Variants in TFDP1 observed in about 807,000 individuals in gnomAD.
TFDP1 encodes transcription factor Dp-1.
TFDP1 carries 6 observed loss-of-function variants against 48.0 expected under a neutral mutation model. The observed-to-expected ratio is 0.13, with a 90% CI of 0.07 to 0.25. The LOEUF is 0.25. Among genes scored for constraint, TFDP1 ranks in the 10% least tolerant of loss-of-function variants. TFDP1 has a pLI of 1.00. For synonymous variants in TFDP1, 201 were observed against 211.6 expected (o/e 0.95, Z 0.44); for missense variants, 335 against 543.0 (o/e 0.62, Z 3.81).
At chr13:113,610,879 G>A (rs552754576) in intron 2 of TFDP1, 117 bp from the exon 3 acceptor site, 3 of 918,174 alleles carry the variant, frequency 3.3e-6, no homozygotes, top group Non-Finnish European at 5.2e-6. Context: ...CTTAACTGTG[G>A]TCCTTCTGCC....
rs913123302 is a variant in TFDP1, at chr13:113,607,761, G to A, written c.13-3235G>A. Among the ~76,000 whole-genome samples the A allele has an allele frequency of 2.6e-5, 4 of 152,178 alleles. No individual in the cohort carries two copies. Among genetic ancestry groups the A allele is most frequent in the South Asian group, 4.1e-4 (2 of 4,832 alleles). On this transcript the variant is annotated intron_variant, in intron 2 of 11. Transcript: ENST00000375370. The surrounding 1 kb of genome is among the most constrained non-coding windows in gnomAD (Gnocchi z 5.2). ...AGGAGGGGCTGTGCCAGTGGGTGGC[G>A]GTGACGGGGGCCAGTGGTTTCCTGG...
At chr13:113,629,942 C>T (rs2049289226) in intron 4 of TFDP1, among the ~76,000 whole-genome samples, 1 of 152,192 alleles carries the variant, frequency 6.6e-6, no homozygotes, top group Non-Finnish European at 1.5e-5. Flanking sequence ...ATTCTCCAGC[C>T]CCCTGTACCT....
intron 2 of TFDP1, among the ~76,000 whole-genome samples, chr13:113,603,938 C>T (rs150482286): frequency 1.2e-3 from 190 of 152,154 alleles, no homozygotes; most frequent in African/African-American, 4.3e-3. Context: ...TGGTAGCTTA[C>T]ACCTGCTTGA....
chr13:113,623,896 C>T lies in TFDP1; in HGVS notation c.186+610C>T, dbSNP rs909697305. 6.6e-5 allele frequency among the ~76,000 whole-genome samples: 10 copies of T among 152,308 alleles called. No individual in the cohort carries two copies. The highest frequency in any genetic ancestry group is 3.9e-4 in the East Asian group (2 of 5,176). On this transcript the variant is annotated intron_variant, in intron 4 of 11. Coordinates refer to ENST00000375370, the MANE Select transcript of TFDP1 (RefSeq NM_007111.5). The surrounding 1 kb of genome is among the most constrained non-coding windows in gnomAD (Gnocchi z 5.2). ...TCGTGTCCGCCCTCTGCGTCCTTGC[C>T]GGTGGCAGCCTACTGGAGACAGGGA...
Position 113,627,764 on chromosome 13 carries a change from C to G in TFDP1, c.187-3859C>G, listed in dbSNP as rs1457515371. 1.3e-5 allele frequency among the ~76,000 whole-genome samples: 2 copies of G among 150,882 alleles called. No individual in the cohort carries two copies. The highest frequency in any genetic ancestry group is 5.0e-5 in the African/African-American group (2 of 40,214). ...CGGCACATGCAGGATCTAGGTGGCA[C>G]TCCGTATGAGAATCGAATGCCTGAT... On this transcript the variant is annotated intron_variant, in intron 4 of 11. Transcript: ENST00000375370. This position sits in a 1 kb window ranked among gnomAD's most constrained non-coding sequence, Gnocchi z 4.1.
intron 3 of TFDP1, among the ~76,000 whole-genome samples, chr13:113,620,403 A>G (rs1330176393): frequency 1.3e-5 from 2 of 152,236 alleles, no homozygotes; most frequent in African/African-American, 4.8e-5. Context: ...TGACAGTGCC[A>G]CTGGCTTTTG....
At chr13:113,599,385 G>A (rs2048356836) in intron 2 of TFDP1, among the ~76,000 whole-genome samples, 1 of 152,120 alleles carries the variant, frequency 6.6e-6, no homozygotes, top group African/African-American at 2.4e-5. Flanking sequence ...TGTCACATAG[G>A]CAGCATTTAC....
intron 2 of TFDP1, among the ~76,000 whole-genome samples, chr13:113,608,570 G>T (rs2048627424): frequency 6.6e-6 from 1 of 152,208 alleles, no homozygotes; most frequent in Non-Finnish European, 1.5e-5. Context: ...AGCCTGACCA[G>T]CCCTGGCCGA....
intron 7 of TFDP1, chr13:113,634,323 T>C: frequency 1.6e-6 from 1 of 634,050 alleles, no homozygotes; most frequent in South Asian, 2.0e-5. Flanking sequence ...ATCCAAGAAA[T>C]GAGAGGAAAG....
intron 2 of TFDP1, among the ~76,000 whole-genome samples, chr13:113,603,428 C>A (rs1656729418): frequency 6.6e-6 from 1 of 152,226 alleles, no homozygotes; most frequent in Non-Finnish European, 1.5e-5. Context: ...GAACCGTGGT[C>A]ACCTGTGTGT....
In TFDP1 at chr13:113,621,756, C is replaced by T. The variant is rs147585421; in HGVS notation, c.80-1424C>T. ...TGGTCTAGCGGTAGCCTCAGTGTCACGGAAAAACAGCGGCTACTTAGCAGA... is the reference window on the plus strand; with the variant it reads ...TGGTCTAGCGGTAGCCTCAGTGTCATGGAAAAACAGCGGCTACTTAGCAGA... On this transcript the variant is annotated intron_variant, in intron 3 of 11. Coordinates refer to ENST00000375370, the MANE Select transcript of TFDP1 (RefSeq NM_007111.5). Among the ~76,000 whole-genome samples, 988 of 152,282 alleles carry T rather than the reference C, an allele frequency of 6.5e-3. 35 individuals carry two copies. The East Asian group carries it at 0.11, about 16-fold the overall frequency.
intron 7 of TFDP1, chr13:113,634,235 T>G (rs771138766): frequency 1.3e-6 from 1 of 740,748 alleles, no homozygotes; most frequent in South Asian, 1.5e-5. Flanking sequence ...CCCACTAGAG[T>G]CTGTTAAACT....
At chr13:113,638,038 C>T (rs997368505) in intron 11 of TFDP1, 142 bp downstream of exon 11, 5 of 1,037,070 alleles carry the variant, frequency 4.8e-6, no homozygotes, top group Non-Finnish European at 7.0e-6. Flanking sequence ...CAGTGGGGCC[C>T]CGCTGGCTTT....
chr13:113,624,210 C>T (rs529845738), intron 4 of TFDP1, among the ~76,000 whole-genome samples: 203 of 152,268 alleles, frequency 1.3e-3, no homozygotes, highest in African/African-American at 3.3e-3. Flanking sequence ...ACCCCCTCAC[C>T]CTGCTCCGTC....
rs113416797 is a variant in TFDP1, at chr13:113,602,970, T to TAA, written c.13-8011_13-8010dup. Among the ~76,000 whole-genome samples, 13 of 67,218 alleles carry TAA rather than the reference T, an allele frequency of 1.9e-4. 2 individuals are homozygous for TAA. The highest frequency in any genetic ancestry group is 4.7e-4 in the African/African-American group (5 of 10,660). The allele number at this position is 67,218 out of a possible 152,430, so 44.1% of individuals were successfully genotyped here. ...AGAATAACACTAACAATAGTTGAGC[T>TAA]AAAAAAAAAAAAAAAACGTATAATT... On this transcript the variant is annotated intron_variant, in intron 2 of 11. Transcript: ENST00000375370.
rs562132813 is a variant in TFDP1 at position 113,596,343 on chromosome 13, C to A, written c.12+10494C>A. 3.9e-5 allele frequency among the ~76,000 whole-genome samples: 6 copies of A among 152,316 alleles called. No individual in the cohort carries two copies. In the South Asian group the frequency reaches 1.2e-3, roughly 32 times the overall value. ...CAGTTATTGACTCTTGGAGGCCATT[C>A]CTGCTTTAGGGCATCCTTTGACTCC... On this transcript the variant is annotated intron_variant, in intron 2 of 11. Coordinates refer to ENST00000375370, the MANE Select transcript of TFDP1 (RefSeq NM_007111.5).
At chr13:113,631,323 C>T (rs371061480) in intron 4 of TFDP1, among the ~76,000 whole-genome samples, 1 of 152,218 alleles carries the variant, frequency 6.6e-6, no homozygotes, top group East Asian at 1.9e-4. Context: ...TTGGGGGTCA[C>T]GCTCTGCCCT....
At chr13:113,637,980 T>A in intron 11 of TFDP1, 84 bp downstream of exon 11, 1 of 1,548,868 alleles carries the variant, frequency 6.5e-7, no homozygotes, top group Non-Finnish European at 8.7e-7. Context: ...CCGTCTCAGG[T>A]GTGGCCATCA....
intron 2 of TFDP1, among the ~76,000 whole-genome samples, chr13:113,603,461 G>A (rs1298314585): frequency 1.3e-5 from 2 of 152,214 alleles, no homozygotes; most frequent in Admixed American, 6.5e-5. Context: ...GGCAGTGATA[G>A]GTCCCCTTTT....
Sources: allele counts gnomAD v4.1 joint callset (sites outside exome capture counted in the v4.1 genomes callset), GRCh38; gene constraint gnomAD v4.1.1; non-coding constraint Gnocchi (gnomAD v3.1); transcripts MANE v1.5; gene names NCBI Gene and HGNC (gene_info 2026-07-23, HGNC 2026-07-21).